DNAJC7: variants seen among roughly 807,000 people sequenced by gnomAD.
DNAJC7 encodes the protein dnaJ homolog subfamily C member 7.
DNAJC7 carries 18 observed loss-of-function variants against 67.4 expected under a neutral mutation model. That is an observed-to-expected ratio of 0.27 (90% CI 0.18 to 0.40). The LOEUF is 0.40. Among genes scored for constraint, DNAJC7 ranks in the 10% least tolerant of loss-of-function variants. The probability of loss-of-function intolerance (pLI) is 1.00; values close to 1 mark genes in which losing one functional copy is unlikely to be tolerated. For missense variants in DNAJC7, 419 were observed against 613.8 expected (o/e 0.68, Z 3.35); for synonymous variants, 220 against 207.8 (o/e 1.06, Z -0.50).
intron 10 of DNAJC7, among the ~76,000 whole-genome samples, chr17:41,982,852 C>T (rs910783373): frequency 2.6e-5 from 4 of 151,474 alleles, no homozygotes; most frequent in Admixed American, 1.3e-4. Context: ...CCCAGTTATT[C>T]GGGAGGCTGA....
rs781887779 is a variant in DNAJC7 at position 41,982,228 on chromosome 17, T to C, written c.1231+27A>G. 10 of 1,613,354 alleles carry C rather than the reference T, an allele frequency of 6.2e-6. No individual in the cohort carries two copies. The Middle Eastern group carries it at 1.3e-3, about 213-fold the overall frequency. On this transcript the variant is annotated intron_variant, in intron 11 of 13. Coordinates refer to ENST00000457167, the MANE Select transcript of DNAJC7 (RefSeq NM_003315.4). The stretch of plus-strand genomic sequence containing the variant: ...GGCCTGCCCTGCGGGTTCTTCCCAC[T>C]GAGCCCACTCCCCGCACCTACTCTA...
At chr17:42,009,514 A>G (rs1453486854) in intron 1 of DNAJC7, among the ~76,000 whole-genome samples, 3 of 152,246 alleles carry the variant, frequency 2.0e-5, no homozygotes, top group Admixed American at 2.0e-4. Context: ...GCAGGCAGAA[A>G]CATATTCACT....
intron 1 of DNAJC7, chr17:42,016,802 C>G: frequency 3.4e-6 from 1 of 291,898 alleles, no homozygotes. Flanking sequence ...TTTTCTCTGT[C>G]ATCTTTGACT....
chr17:42,017,146 G>A (rs1237584567), intron 1 of DNAJC7, 194 bp downstream of exon 1: 19 of 1,483,350 alleles, frequency 1.3e-5, no homozygotes, highest in Non-Finnish European at 1.6e-5. Flanking sequence ...TACGCCAGGC[G>A]GAAGCGGGAG....
intron 1 of DNAJC7, among the ~76,000 whole-genome samples, chr17:42,002,304 T>A (rs2051828575): frequency 6.6e-6 from 1 of 152,214 alleles, no homozygotes; most frequent in African/African-American, 2.4e-5. Flanking sequence ...GGCTAGTGGC[T>A]AAGAATATAC....
chr17:41,998,389 T>A (rs1297878618), intron 2 of DNAJC7, among the ~76,000 whole-genome samples: 2 of 152,166 alleles, frequency 1.3e-5, no homozygotes, highest in Non-Finnish European at 2.9e-5. Context: ...TGAAAATCGC[T>A]TGAAACTAGG....
intron 5 of DNAJC7, among the ~76,000 whole-genome samples, chr17:41,992,426 G>A (rs907850120): frequency 3.9e-5 from 6 of 151,976 alleles, no homozygotes; most frequent in Non-Finnish European, 8.8e-5. Flanking sequence ...CGCCCACCTC[G>A]GCCTCCCAAA....
At chr17:41,983,527 C>G (rs374510378) in intron 10 of DNAJC7, 36 bp downstream of exon 10, 1 of 1,543,924 alleles carries the variant, frequency 6.5e-7, no homozygotes, top group African/African-American at 1.4e-5. Flanking sequence ...ACGAAGTCCA[C>G]ACAGTTCCCT....
chr17:41,977,590 G>GGGA, intron 12 of DNAJC7: 1 of 334,486 alleles, frequency 3.0e-6, no homozygotes, highest in African/African-American at 2.1e-5. Context: ...TTGCTTCATT[G>GGGA]GGCTGTTTTC....
chr17:42,002,295 G>A (rs112861031), intron 1 of DNAJC7, among the ~76,000 whole-genome samples: 21 of 152,320 alleles, frequency 1.4e-4, no homozygotes, highest in African/African-American at 4.6e-4. Context: ...TCTTCAGTTG[G>A]CTAGTGGCTA....
chr17:41,982,506 A>T, intron 10 of DNAJC7, 105 bp from the exon 11 acceptor site: 1 of 1,434,300 alleles, frequency 7.0e-7, no homozygotes, highest in Non-Finnish European at 9.4e-7. Flanking sequence ...TAACCATGCC[A>T]GGGACTTTTA....
intron 12 of DNAJC7, among the ~76,000 whole-genome samples, chr17:41,980,130 A>G (rs1598114917): frequency 6.9e-6 from 1 of 145,654 alleles, no homozygotes; most frequent in Admixed American, 6.9e-5. Context: ...GCTCATTGCA[A>G]CCTCCGCCTC....
chr17:41,986,547 T>G (rs2051385802), intron 9 of DNAJC7, among the ~76,000 whole-genome samples: 1 of 151,392 alleles, frequency 6.6e-6, no homozygotes, highest in Non-Finnish European at 1.5e-5. Context: ...TTTTTTTTTT[T>G]TTGCTATTAT....
At chr17:41,997,372 G>C in intron 2 of DNAJC7, 133 bp from the exon 3 acceptor site, 4 of 1,094,730 alleles carry the variant, frequency 3.7e-6, no homozygotes, top group Non-Finnish European at 5.1e-6. Context: ...GAGACCACTT[G>C]AGGTCAGGAG....
chr17:41,999,369 G>A (rs568771857), intron 2 of DNAJC7, among the ~76,000 whole-genome samples: 90 of 152,180 alleles, frequency 5.9e-4, no homozygotes, highest in African/African-American at 2.1e-3. Flanking sequence ...TGATCCGCCC[G>A]CCTCGGCCTC....
intron 3 of DNAJC7, 79 bp downstream of exon 3, chr17:41,997,036 C>T: frequency 6.3e-7 from 1 of 1,599,064 alleles, no homozygotes; most frequent in African/African-American, 1.3e-5. Flanking sequence ...TCAGTAGTGT[C>T]AAGGTTGAGA....
intron 12 of DNAJC7, among the ~76,000 whole-genome samples, chr17:41,981,383 A>G (rs1238376376): frequency 1.3e-5 from 2 of 152,064 alleles, no homozygotes; most frequent in African/African-American, 4.8e-5. Context: ...TTTAGTAGAG[A>G]CGAGGTTTCA....
At chr17:42,009,121 A>C (rs2052051867) in intron 1 of DNAJC7, among the ~76,000 whole-genome samples, 2 of 152,254 alleles carry the variant, frequency 1.3e-5, no homozygotes, top group African/African-American at 2.4e-5. Context: ...CTTTTAGCAA[A>C]GCTATCTGCT....
chr17:42,002,218 G>A (rs1758428721), intron 1 of DNAJC7, among the ~76,000 whole-genome samples: 1 of 152,208 alleles, frequency 6.6e-6, no homozygotes. Context: ...CTGCTGTGAA[G>A]AAATGGAGTA....
Sources: gnomAD v4.1 joint callset for allele counts (sites outside exome capture counted in the v4.1 genomes callset) on GRCh38, gnomAD v4.1.1 for gene constraint, MANE v1.5 for transcripts, NCBI Gene and HGNC (gene_info 2026-07-23, HGNC 2026-07-21) for gene names.